GSDME: variants seen among roughly 807,000 people sequenced by gnomAD.
The protein encoded by GSDME is gasdermin-E.
In GSDME, 44 loss-of-function variants were observed where a neutral mutation model predicts 47.5. The ratio of observed to expected loss-of-function variants is 0.93; its 90% CI spans 0.73 to 1.19. GSDME has a LOEUF of 1.19. Among genes scored for constraint, GSDME ranks in the 50% most tolerant of loss-of-function variants. The pLI is 0.00. For missense variants in GSDME, 663 were observed against 604.2 expected (o/e 1.10, Z -1.02); for synonymous variants, 258 against 252.8 (o/e 1.02, Z -0.20).
intron 3 of GSDME, among the ~76,000 whole-genome samples, chr7:24,734,873 G>C (rs1309340465): frequency 6.6e-6 from 1 of 152,178 alleles, no homozygotes; most frequent in Non-Finnish European, 1.5e-5. Context: ...AATAGGGGTA[G>C]AAAGTTTATT....
intron 2 of GSDME, among the ~76,000 whole-genome samples, chr7:24,748,081 TTAAA>T (rs1182281657): frequency 2.6e-5 from 4 of 150,996 alleles, no homozygotes; most frequent in South Asian, 2.1e-4. Context: ...TTAAACCTAA[TTAAA>T]TATTTATTTA....
rs1284743667 is a variant in GSDME, at chr7:24,726,789, G to A, written c.405-7571C>T. On this transcript the variant is annotated intron_variant, in intron 3 of 9. Transcript: ENST00000645220. This position sits in a 1 kb window ranked among gnomAD's most constrained non-coding sequence, Gnocchi z 5.6. ...CCACTGCACTCCAGCCCGGGGGACA[G>A]AGCGAGACTCCGTCTCAAAAAAAAA... Among the ~76,000 whole-genome samples, 7 of 145,410 alleles carry A rather than the reference G, an allele frequency of 4.8e-5. No individual in the cohort carries two copies. The highest frequency in any genetic ancestry group is 2.0e-4 in the East Asian group (1 of 4,982).
chr7:24,777,988 C>A, the GSDME span, among the ~76,000 whole-genome samples: 2 of 151,290 alleles, frequency 1.3e-5, no homozygotes. Context: ...GAATCCACTC[C>A]AGCTTCCCAT....
intron 3 of GSDME, among the ~76,000 whole-genome samples, chr7:24,737,470 C>CA (rs146678232): frequency 3.6e-4 from 55 of 150,952 alleles, no homozygotes; most frequent in Admixed American, 5.3e-4. Context: ...GCCAAAATAA[C>CA]AAAAAAAACA....
chr7:24,708,578 G>T (rs1269288351), intron 6 of GSDME, among the ~76,000 whole-genome samples: 1 of 152,254 alleles, frequency 6.6e-6, no homozygotes, highest in South Asian at 2.1e-4. Flanking sequence ...TCTTTAGCAT[G>T]ACTTCTCTAG....
At position 24,717,134 on chromosome 7, in the gene GSDME, C is replaced by T. The variant is rs1288190363; in HGVS notation, c.697+120G>A. Reference sequence around the variant, plus strand: ...TTGGGACAATCTACGCTCTTCAGACCTCTTTCCCTCTCTTCCCACAGTCTC... The same window carrying T: ...TTGGGACAATCTACGCTCTTCAGACTTCTTTCCCTCTCTTCCCACAGTCTC... On this transcript the variant is annotated intron_variant, in intron 5 of 9. Coordinates refer to ENST00000645220, the MANE Select transcript of GSDME (RefSeq NM_001127453.2). The T allele has an allele frequency of 1.7e-5, 19 of 1,135,358 alleles. No homozygotes were observed. The South Asian group carries it at 2.3e-4, about 14-fold the overall frequency. The allele number at this position is 1,135,358 out of a possible 1,614,324, so 70.3% of individuals were successfully genotyped here.
At chr7:24,715,418 C>T (rs1001220430) in intron 5 of GSDME, 5 of 469,114 alleles carry the variant, frequency 1.1e-5, no homozygotes, top group South Asian at 4.7e-5. Context: ...GTAGTTATCC[C>T]GTCACAATGT....
the GSDME span, among the ~76,000 whole-genome samples, chr7:24,794,211 A>G: frequency 2.1e-5 from 3 of 141,732 alleles, no homozygotes; most frequent in Non-Finnish European, 4.6e-5. Flanking sequence ...TTTCTCTTTG[A>G]CTTCCTCTTT....
At chr7:24,776,089 A>C in the GSDME span, among the ~76,000 whole-genome samples, 6 of 150,058 alleles carry the variant, frequency 4.0e-5, no homozygotes, top group African/African-American at 1.5e-4. Context: ...CTGAGGCAGG[A>C]GAATGGCTTG....
In GSDME at chr7:24,744,083, G is replaced by A. The variant is rs991070244; in HGVS notation, c.404+479C>T. ...TATAGTGTGGTAAGATGTATTTACC[G>A]AAAGCCAAACAATGAATAAATGTGG... On this transcript the variant is annotated intron_variant, in intron 3 of 9. Coordinates refer to ENST00000645220, the MANE Select transcript of GSDME (RefSeq NM_001127453.2). The surrounding 1 kb of genome is among the most constrained non-coding windows in gnomAD (Gnocchi z 4.5). The A allele has an allele frequency of 5.6e-5, 12 of 215,092 alleles. No individual in the cohort carries two copies. The South Asian group carries it at 6.1e-4, about 11-fold the overall frequency. The allele number at this position is 215,092 out of a possible 1,614,324, so 13.3% of individuals were successfully genotyped here.
At chr7:24,708,322 C>T (rs1051088156) in intron 6 of GSDME, 68 bp from the exon 7 acceptor site, 9 of 1,590,172 alleles carry the variant, frequency 5.7e-6, no homozygotes, top group South Asian at 1.1e-5. Flanking sequence ...GACAGCAACT[C>T]CTGCTTTTTA....
At chr7:24,779,087 C>T in the GSDME span, among the ~76,000 whole-genome samples, 14 of 152,232 alleles carry the variant, frequency 9.2e-5, no homozygotes, top group African/African-American at 3.4e-4. The surrounding 1 kb of genome is among the most constrained non-coding windows in gnomAD (Gnocchi z 6.0). Flanking sequence ...TTCCAGCAGC[C>T]GATGAGACAG....
chr7:24,730,939 C>T (rs1790124802), intron 3 of GSDME, among the ~76,000 whole-genome samples: 1 of 152,186 alleles, frequency 6.6e-6, no homozygotes, highest in Non-Finnish European at 1.5e-5. Flanking sequence ...TACAGGAAGC[C>T]ACCTTTACAC....
At chr7:24,774,595 C>T in the GSDME span, among the ~76,000 whole-genome samples, 5 of 151,956 alleles carry the variant, frequency 3.3e-5, no homozygotes, top group South Asian at 1.0e-3. Flanking sequence ...TGTGGTGGTA[C>T]GATCTCTGCT....
the GSDME span, among the ~76,000 whole-genome samples, chr7:24,792,781 C>T: frequency 6.6e-6 from 1 of 151,960 alleles, no homozygotes; most frequent in Non-Finnish European, 1.5e-5. Context: ...AGGTAGGGTC[C>T]TTCCCAGGCT....
chr7:24,761,458 A>G (rs977381278), upstream of GSDME, among the ~76,000 whole-genome samples: 7 of 152,244 alleles, frequency 4.6e-5, no homozygotes, highest in African/African-American at 1.7e-4. The surrounding 1 kb of genome is among the most constrained non-coding windows in gnomAD (Gnocchi z 4.4). Context: ...AGGGAAGAAC[A>G]AACAAAACAA....
At chr7:24,722,465 C>T (rs531958103) in intron 3 of GSDME, among the ~76,000 whole-genome samples, 43 of 152,338 alleles carry the variant, frequency 2.8e-4, no homozygotes, top group African/African-American at 8.4e-4. Flanking sequence ...TGGTCTCTTC[C>T]TTCTATTGCT....
At position 24,706,242 on chromosome 7, in the gene GSDME, C is replaced by T; in HGVS notation, c.1125G>A (p.Glu375=). The change falls in exon 8 of 10, where the codon GAG becomes GAA. Residue 375 remains glutamate (E), a synonymous_variant. Coordinates refer to ENST00000645220, the MANE Select transcript of GSDME (RefSeq NM_001127453.2). ...CSLQGGCPGP[E]DAGSKQLFMT... ...TAAACAGCTGCTTGCTGCCTGCATC[C>T]TCGGGGCCCGGACACCCACCCTGTA... is the stretch of plus-strand genomic sequence containing the variant. 6.2e-7 allele frequency: 1 copy of T among 1,614,224 alleles called. No individual in the cohort carries two copies. Among genetic ancestry groups the T allele is most frequent in the South Asian group, 1.1e-5 (1 of 91,088 alleles).
intron 5 of GSDME, among the ~76,000 whole-genome samples, chr7:24,713,252 G>C (rs759151455): frequency 3.3e-5 from 5 of 152,156 alleles, no homozygotes; most frequent in Non-Finnish European, 5.9e-5. Context: ...CCTGTGTCGG[G>C]AGACACGGCT....
Sources: gnomAD v4.1 joint callset for allele counts (sites outside exome capture counted in the v4.1 genomes callset) on GRCh38, gnomAD v4.1.1 for gene constraint, Gnocchi (gnomAD v3.1) non-coding constraint, MANE v1.5 for transcripts, NCBI Gene and HGNC (gene_info 2026-07-23, HGNC 2026-07-21) for gene names.